The following MROH7 variants were observed in gnomAD, a reference collection of about 807,000 sequenced individuals.
MROH7 encodes the protein maestro heat-like repeat-containing protein family member 7.
A neutral mutation model predicts 129.2 loss-of-function variants in MROH7; 113 were observed. That is an observed-to-expected ratio of 0.87 (90% confidence interval 0.75 to 1.02). MROH7 has a LOEUF of 1.02. Ranked by LOEUF, MROH7 falls within the 50% of genes least tolerant of loss-of-function variation. MROH7 has a pLI of 0.00. For synonymous variants in MROH7, 655 were observed against 667.9 expected, an observed-to-expected ratio of 0.98 and a Z score of 0.30; for missense variants, 1,601 against 1,671.3, an observed-to-expected ratio of 0.96 and a Z score of 0.73.
At chr1:54,696,672 T>A (rs1645328151) in intron 17 of MROH7, among the ~76,000 whole-genome samples, 1 of 138,960 alleles carries the variant, frequency 7.2e-6, no homozygotes, top group African/African-American at 2.7e-5. Flanking sequence ...TTTTTTTTTT[T>A]TTTTTTTTTT....
chr1:54,697,903 G>C, intron 17 of MROH7: 1 of 463,220 alleles, frequency 2.2e-6, no homozygotes, highest in Non-Finnish European at 3.8e-6. Context: ...CACAAAGTCA[G>C]GGACTCTAGG....
intron 15 of MROH7, among the ~76,000 whole-genome samples, chr1:54,691,377 G>A (rs1645234904): frequency 1.3e-5 from 2 of 152,174 alleles, no homozygotes; most frequent in African/African-American, 4.8e-5. Flanking sequence ...AATCATGAGA[G>A]CCACCAGCTC....
At chr1:54,649,913 CT>C (rs1209660055) in intron 1 of MROH7, among the ~76,000 whole-genome samples, 2 of 152,184 alleles carry the variant, frequency 1.3e-5, no homozygotes, top group Admixed American at 6.5e-5. Flanking sequence ...GTAAAATTGC[CT>C]CTGGTGCTGA....
rs754728274 is a variant in MROH7, at chr1:54,668,815, G to A, written c.1306-39G>A. 2.6e-6 allele frequency: 4 copies of A among 1,537,026 alleles called. No individual in the cohort carries two copies. The Middle Eastern group carries it at 5.1e-4, about 194-fold the overall frequency. ...AACCCCTGAGGACTGGGCTCAGTGG[G>A]TCTCTCACTCTGAGGTTTTGCCCTC... On this transcript the variant is annotated intron_variant, in intron 4 of 23. Transcript: ENST00000421030.
chr1:54,656,102 C>T lies in MROH7; in HGVS notation c.1231+1945C>T, dbSNP rs1240489166. Among the ~76,000 whole-genome samples the T allele has an allele frequency of 2.0e-5, 3 of 151,860 alleles. No homozygotes were observed. The East Asian group carries it at 5.9e-4, about 30-fold the overall frequency. The stretch of plus-strand genomic sequence containing the variant: ...AGAGACAGGGTTTCACCATGTTGGC[C>T]AGGCTGGTCTTGAATTCCTGACCTC... On this transcript the variant is annotated intron_variant, in intron 3 of 23. Transcript: ENST00000421030.
At chr1:54,644,497 C>G (rs1644433519) in intron 1 of MROH7, among the ~76,000 whole-genome samples, 1 of 152,004 alleles carries the variant, frequency 6.6e-6, no homozygotes, top group Admixed American at 6.6e-5. Context: ...TGCCCACCAC[C>G]ATGCCTGGAT....
intron 15 of MROH7, among the ~76,000 whole-genome samples, chr1:54,686,691 G>A (rs1169482138): frequency 1.3e-5 from 2 of 152,170 alleles, no homozygotes; most frequent in Non-Finnish European, 2.9e-5. Context: ...CCCTCCCCAA[G>A]GAGTTCACTC....
intron 4 of MROH7, 39 bp downstream of exon 4, chr1:54,665,279 A>G: frequency 1.9e-6 from 3 of 1,548,914 alleles, no homozygotes; most frequent in Non-Finnish European, 2.7e-6. Context: ...CTGTGCTGGG[A>G]TACTTCCATC....
chr1:54,706,323 G>C (rs1338884774), intron 21 of MROH7, 112 bp from the exon 22 acceptor site: 1 of 749,506 alleles, frequency 1.3e-6, no homozygotes, highest in African/African-American at 1.7e-5. Flanking sequence ...AGAGGGAGCA[G>C]ATATATTTGG....
At chr1:54,675,509 G>A (rs1360914806) in intron 10 of MROH7, among the ~76,000 whole-genome samples, 3 of 152,126 alleles carry the variant, frequency 2.0e-5, no homozygotes, top group Non-Finnish European at 4.4e-5. Context: ...CATCTCTGGA[G>A]GATGGATGAA....
intron 7 of MROH7, among the ~76,000 whole-genome samples, chr1:54,671,781 C>G (rs1335438172): frequency 6.6e-6 from 1 of 152,180 alleles, no homozygotes; most frequent in African/African-American, 2.4e-5. Context: ...ATGCTGAACT[C>G]AGCACAGGAG....
intron 13 of MROH7, 115 bp from the exon 14 acceptor site, chr1:54,682,541 G>A (rs1645086735): frequency 1.0e-6 from 1 of 968,980 alleles, no homozygotes; most frequent in African/African-American, 1.6e-5. Flanking sequence ...TTGCAGGTGT[G>A]CCCATGGATG....
chr1:54,700,478 G>T lies in MROH7; in HGVS notation c.3105+17G>T. 1 of 1,560,852 alleles carries T rather than the reference G, an allele frequency of 6.4e-7. No homozygotes were observed. The highest frequency in any genetic ancestry group is 8.7e-7 in the Non-Finnish European group (1 of 1,152,372). On this transcript the variant is annotated intron_variant, in intron 18 of 23. Coordinates refer to ENST00000421030, the MANE Select transcript of MROH7 (RefSeq NM_001039464.4). ...TCTGAGAAGGTGAGTGGGAGGCAGA[G>T]GAAAGCCTGGCCCAGCCAGGCCCCA...
rs181044387 is a variant in MROH7, at chr1:54,683,067, G to A, written c.2520+273G>A. On this transcript the variant is annotated intron_variant, in intron 14 of 23. Transcript: ENST00000421030. Reference sequence around the variant, plus strand: ...TAAATCCTGGTTCTGGCCAGGCATGGTGGCACATGCCTGTAATCCCAGCAC... The same window carrying A: ...TAAATCCTGGTTCTGGCCAGGCATGATGGCACATGCCTGTAATCCCAGCAC... 2.6e-5 allele frequency among the ~76,000 whole-genome samples: 4 copies of A among 152,274 alleles called. No individual in the cohort carries two copies. In the East Asian group the frequency reaches 7.7e-4, roughly 29 times the overall value.
intron 16 of MROH7, among the ~76,000 whole-genome samples, chr1:54,693,424 GA>G (rs1299984806): frequency 1.3e-5 from 2 of 152,232 alleles, no homozygotes; most frequent in African/African-American, 2.4e-5. Context: ...ACTCCAGCCT[GA>G]AAAAAAGTAC....
chr1:54,689,019 G>C (rs780905009), intron 15 of MROH7, among the ~76,000 whole-genome samples: 1 of 152,190 alleles, frequency 6.6e-6, no homozygotes, highest in African/African-American at 2.4e-5. Flanking sequence ...CAGGCTGAAG[G>C]GGGGCCAGAA....
chr1:54,691,522 T>G (rs1270618628), intron 15 of MROH7, among the ~76,000 whole-genome samples: 1 of 152,174 alleles, frequency 6.6e-6, no homozygotes, highest in African/African-American at 2.4e-5. Flanking sequence ...AAAGTGTATA[T>G]AGGCTGGGTG....
chr1:54,663,610 A>G (rs1644764290), intron 3 of MROH7: 1 of 345,920 alleles, frequency 2.9e-6, no homozygotes, highest in Non-Finnish European at 5.6e-6. Flanking sequence ...CTGACCTCAG[A>G]TGATCCACCC....
chr1:54,688,726 C>T (rs549213910), intron 15 of MROH7, among the ~76,000 whole-genome samples: 1 of 152,342 alleles, frequency 6.6e-6, no homozygotes, highest in Admixed American at 6.5e-5. Flanking sequence ...CCATTCCCCT[C>T]CTGCTCATGC....
Sources: allele counts gnomAD v4.1 joint callset (sites outside exome capture counted in the v4.1 genomes callset), GRCh38; gene constraint gnomAD v4.1.1; transcripts MANE v1.5; gene names NCBI Gene and HGNC (gene_info 2026-07-23, HGNC 2026-07-21).